ACER1: variants seen among roughly 807,000 people sequenced by gnomAD.
The protein encoded by ACER1 is CTB-180A7.3.
In ACER1, 28 loss-of-function variants were observed where a neutral mutation model predicts 24.9. That is an observed-to-expected ratio of 1.13 (90% CI 0.83 to 1.54). ACER1 has a LOEUF of 1.54. Ranked by LOEUF, ACER1 falls within the 40% of genes most tolerant of loss-of-function variation. The pLI is 0.00. For synonymous variants in ACER1, 132 were observed against 131.4 expected (o/e 1.00, Z -0.03); for missense variants, 352 against 349.3 (o/e 1.01, Z -0.06).
At chr19:6,334,425 A>G (rs943392527), upstream of ACER1, among the ~76,000 whole-genome samples, 2 of 150,694 alleles carry the variant, frequency 1.3e-5, no homozygotes, top group Admixed American at 1.3e-4. Flanking sequence ...GCTCACTGCA[A>G]CCTCCACCTC....
intron 1 of ACER1, among the ~76,000 whole-genome samples, chr19:6,318,226 T>C (rs987291234): frequency 6.6e-6 from 1 of 150,842 alleles, no homozygotes; most frequent in African/African-American, 2.4e-5. Context: ...TCCCAGCACT[T>C]TGGGAGGCCG....
At chr19:6,319,263 C>T (rs900391503) in intron 1 of ACER1, among the ~76,000 whole-genome samples, 1 of 152,084 alleles carries the variant, frequency 6.6e-6, no homozygotes, top group African/African-American at 2.4e-5. Flanking sequence ...TGGGGGACCC[C>T]GACTAATGGA....
At chr19:6,340,570 C>G in the ACER1 span, among the ~76,000 whole-genome samples, 6 of 152,262 alleles carry the variant, frequency 3.9e-5, no homozygotes, top group East Asian at 5.8e-4. Context: ...ACAGTCTCTG[C>G]TCTGTGTGTG....
At chr19:6,344,697 G>A in the ACER1 span, among the ~76,000 whole-genome samples, 3 of 151,060 alleles carry the variant, frequency 2.0e-5, no homozygotes, top group African/African-American at 7.3e-5. Flanking sequence ...CACCTGGCCT[G>A]TGTGGGTATA....
chr19:6,333,578 G>A lies in ACER1; in HGVS notation c.-27C>T, dbSNP rs1484188846. The A allele has an allele frequency of 3.2e-6, 5 of 1,547,092 alleles. No homozygotes were observed. The Admixed American group carries it at 9.7e-5, about 30-fold the overall frequency. ...TTGTCTCAGTGGCCACCACCAGCCG[G>A]CTGCGCCCGGCAGAGAGAAGGCGAG... On this transcript the variant is annotated 5_prime_UTR_variant, in exon 1 of 6. Transcript: ENST00000301452.
At chr19:6,355,432 A>T in the ACER1 span, among the ~76,000 whole-genome samples, 1 of 138,118 alleles carries the variant, frequency 7.2e-6, no homozygotes, top group Admixed American at 7.0e-5. Context: ...GTCTCTGCCC[A>T]GCCGCCCCGT....
At chr19:6,310,151 G>A (rs533278347) in intron 3 of ACER1, among the ~76,000 whole-genome samples, 20 of 151,990 alleles carry the variant, frequency 1.3e-4, no homozygotes, top group African/African-American at 4.3e-4. Context: ...GCAGCAGTGC[G>A]ATCTGGGCTC....
chr19:6,342,885 C>A, the ACER1 span, among the ~76,000 whole-genome samples: 1 of 151,902 alleles, frequency 6.6e-6, no homozygotes, highest in South Asian at 2.1e-4. Context: ...TCAAGTGATT[C>A]TCCTGCCTCA....
At chr19:6,341,316 A>C in the ACER1 span, among the ~76,000 whole-genome samples, 1 of 150,988 alleles carries the variant, frequency 6.6e-6, no homozygotes, top group Admixed American at 6.6e-5. Flanking sequence ...TCTCAAAAAA[A>C]ACAACAACAA....
At chr19:6,342,982 G>C in the ACER1 span, among the ~76,000 whole-genome samples, 1 of 152,092 alleles carries the variant, frequency 6.6e-6, no homozygotes, top group South Asian at 2.1e-4. Flanking sequence ...TCTCCATGTT[G>C]GTCAGGCTGG....
At chr19:6,347,109 A>AAATATATATATATAT in the ACER1 span, among the ~76,000 whole-genome samples, 29 of 113,774 alleles carry the variant, frequency 2.5e-4, no homozygotes, top group African/African-American at 1.3e-3. Flanking sequence ...AAAAAAAAAA[A>AAATATATATATATAT]ATATATATAT....
chr19:6,331,526 G>A (rs2091687160), intron 1 of ACER1, among the ~76,000 whole-genome samples: 1 of 150,468 alleles, frequency 6.6e-6, no homozygotes, highest in Non-Finnish European at 1.5e-5. Flanking sequence ...GGGCGCCGTG[G>A]CTCACGCCTG....
the ACER1 span, among the ~76,000 whole-genome samples, chr19:6,345,562 A>C: frequency 3.0e-5 from 4 of 134,228 alleles, no homozygotes; most frequent in Non-Finnish European, 6.1e-5. Flanking sequence ...CAGGTATTAG[A>C]TTCTTTTTTT....
At chr19:6,341,818 C>T in the ACER1 span, among the ~76,000 whole-genome samples, 12 of 152,096 alleles carry the variant, frequency 7.9e-5, no homozygotes, top group South Asian at 8.3e-4. Flanking sequence ...TTAGTAGAGA[C>T]GCGGGTTTCA....
chr19:6,316,848 C>T (rs1363839072), intron 1 of ACER1, among the ~76,000 whole-genome samples: 1 of 151,060 alleles, frequency 6.6e-6, no homozygotes, highest in Non-Finnish European at 1.5e-5. Context: ...GGTCAGACTT[C>T]ACCACCACAC....
intron 1 of ACER1, among the ~76,000 whole-genome samples, chr19:6,313,795 A>T (rs1300989943): frequency 1.3e-5 from 2 of 152,202 alleles, no homozygotes; most frequent in African/African-American, 4.8e-5. Flanking sequence ...ACCTTTCTCT[A>T]TCTCATAGGA....
chr19:6,329,084 G>A (rs1391355825), intron 1 of ACER1, among the ~76,000 whole-genome samples: 2 of 151,902 alleles, frequency 1.3e-5, no homozygotes, highest in Non-Finnish European at 1.5e-5. Context: ...GGAGGTCAAG[G>A]CTGCAGTGAG....
At chr19:6,356,689 T>C in the ACER1 span, among the ~76,000 whole-genome samples, 1 of 151,630 alleles carries the variant, frequency 6.6e-6, no homozygotes, top group Non-Finnish European at 1.5e-5. Flanking sequence ...TTGCAAGCTT[T>C]TGAACATTAT....
At chr19:6,347,109 A>AAAAAAATATATAT in the ACER1 span, among the ~76,000 whole-genome samples, 135 of 113,744 alleles carry the variant, frequency 1.2e-3, no homozygotes, top group East Asian at 3.4e-3. Context: ...AAAAAAAAAA[A>AAAAAAATATATAT]ATATATATAT....
Sources: gnomAD v4.1 joint callset for allele counts (sites outside exome capture counted in the v4.1 genomes callset) on GRCh38, gnomAD v4.1.1 for gene constraint, MANE v1.5 for transcripts, NCBI Gene and HGNC (gene_info 2026-07-23, HGNC 2026-07-21) for gene names.